Variants in MS4A4E observed in about 807,000 individuals in gnomAD.
MS4A4E encodes the protein putative membrane-spanning 4-domains subfamily A member 4E.
Under a neutral mutation model 13.3 loss-of-function variants are expected in MS4A4E, and 23 were observed. The ratio of observed to expected loss-of-function variants is 1.73; its 90% CI spans 1.25 to 2.45. The LOEUF (loss-of-function observed/expected upper bound fraction) is 2.45. MS4A4E is among the 30% of genes most tolerant of loss of function. The pLI, the probability that MS4A4E is intolerant of heterozygous loss-of-function variation, is 0.00. For missense variants in MS4A4E, 144 were observed against 131.2 expected (o/e 1.10, Z -0.48); for synonymous variants, 36 against 45.6 (o/e 0.79, Z 0.85).
chr11:60,239,587 G>T (rs554337368), intron 1 of MS4A4E, among the ~76,000 whole-genome samples: 1 of 152,260 alleles, frequency 6.6e-6, no homozygotes, highest in South Asian at 2.1e-4. Flanking sequence ...TTTGCAGTTT[G>T]TCTCAAAGAT....
intron 1 of MS4A4E, among the ~76,000 whole-genome samples, chr11:60,232,278 G>A (rs80223119): frequency 1.6e-5 from 1 of 61,614 alleles, no homozygotes; most frequent in African/African-American, 6.7e-5. Flanking sequence ...TAACCTCATC[G>A]CCATCAACAC....
intron 1 of MS4A4E, among the ~76,000 whole-genome samples, chr11:60,231,859 C>A (rs1276394564): frequency 6.6e-6 from 1 of 152,028 alleles, no homozygotes; most frequent in African/African-American, 2.4e-5. Flanking sequence ...TTGATACAAG[C>A]CTCCAAGAAG....
chr11:60,210,453 A>G (rs2084106209), intron 5 of MS4A4E, among the ~76,000 whole-genome samples: 3 of 152,166 alleles, frequency 2.0e-5, no homozygotes, highest in Non-Finnish European at 4.4e-5. Flanking sequence ...TATTAAAATT[A>G]CATATATATC....
At chr11:60,225,248 C>T (rs1259083274) in intron 3 of MS4A4E, among the ~76,000 whole-genome samples, 1 of 152,096 alleles carries the variant, frequency 6.6e-6, no homozygotes, top group Non-Finnish European at 1.5e-5. Context: ...CATAAAGAAC[C>T]ATGAATATTA....
intron 3 of MS4A4E, among the ~76,000 whole-genome samples, chr11:60,228,031 GT>G: frequency 6.6e-6 from 1 of 152,050 alleles, no homozygotes; most frequent in Non-Finnish European, 1.5e-5. Context: ...GATGACCTTG[GT>G]TTTGGTGATG....
chr11:60,217,581 G>A (rs1049856256), intron 3 of MS4A4E, among the ~76,000 whole-genome samples: 2 of 152,250 alleles, frequency 1.3e-5, no homozygotes, highest in Non-Finnish European at 2.9e-5. Context: ...CGGAGGGACC[G>A]GCTGAAGCCA....
At chr11:60,236,961 C>T (rs2084491512) in intron 1 of MS4A4E, among the ~76,000 whole-genome samples, 1 of 152,146 alleles carries the variant, frequency 6.6e-6, no homozygotes, top group Non-Finnish European at 1.5e-5. Flanking sequence ...GTCCTGAACT[C>T]CTGACCTCAG....
rs541950372 is a variant in MS4A4E, at chr11:60,235,380, A to G, written c.-16-5309T>C. On this transcript the variant is annotated intron_variant, in intron 1 of 8. Coordinates refer to ENST00000651255, the MANE Select transcript of MS4A4E (RefSeq NM_001393391.1). The stretch of plus-strand genomic sequence containing the variant: ...AGTGCTTGGATTATAGGTGTGAGCC[A>G]CAGTGACTGATCTTAAACCTCCAGA... 2.9e-4 allele frequency among the ~76,000 whole-genome samples: 44 copies of G among 152,342 alleles called. No homozygotes were observed. In the South Asian group the frequency reaches 6.2e-3, roughly 22 times the overall value.
At chr11:60,206,489 G>GTATATATATGTA (rs2084046492) in intron 6 of MS4A4E, among the ~76,000 whole-genome samples, 2 of 97,566 alleles carry the variant, frequency 2.0e-5, no homozygotes, top group Admixed American at 1.1e-4. Context: ...ATATATATAT[G>GTATATATATGTA]TATATATATA....
Position 60,241,691 on chromosome 11 carries a change from C to T in MS4A4E, c.-17+1267G>A, listed in dbSNP as rs111248123. ...AGATAAGGTCCCCAAGGAAAGAAAG[C>T]GTGTGTTTACAAGACTCCACTTCTC... On this transcript the variant is annotated intron_variant, in intron 1 of 8. Transcript: ENST00000651255. 6.8e-3 allele frequency among the ~76,000 whole-genome samples: 1,030 copies of T among 152,160 alleles called. 7 individuals carry two copies. Among genetic ancestry groups the T allele is most frequent in the African/African-American group, 0.023 (975 of 41,520 alleles).
intron 3 of MS4A4E, among the ~76,000 whole-genome samples, chr11:60,221,362 G>T (rs949806746): frequency 6.6e-6 from 1 of 152,186 alleles, no homozygotes; most frequent in Non-Finnish European, 1.5e-5. Flanking sequence ...ATGAGGAAGT[G>T]GCACAAATGC....
chr11:60,221,408 C>A (rs2084268691), intron 3 of MS4A4E, among the ~76,000 whole-genome samples: 1 of 152,104 alleles, frequency 6.6e-6, no homozygotes, highest in South Asian at 2.1e-4. Flanking sequence ...GCCTTCTCTC[C>A]CCCAGCCTGC....
intron 3 of MS4A4E, among the ~76,000 whole-genome samples, chr11:60,227,566 AT>A (rs1263254285): frequency 1.2e-4 from 19 of 152,028 alleles, no homozygotes; most frequent in Non-Finnish European, 2.1e-4. Context: ...ATATATATAT[AT>A]ATTAGCAAAT....
intron 8 of MS4A4E, among the ~76,000 whole-genome samples, chr11:60,204,575 C>T (rs943514221): frequency 7.9e-5 from 12 of 152,168 alleles, no homozygotes; most frequent in Admixed American, 4.6e-4. Context: ...GGGCTTGAAG[C>T]TGTGAAGAGG....
At position 60,213,352 on chromosome 11, in the gene MS4A4E, T is replaced by G. The variant is rs1049297791; in HGVS notation, c.223-220A>C. On this transcript the variant is annotated intron_variant, in intron 4 of 8. Coordinates refer to ENST00000651255, the MANE Select transcript of MS4A4E (RefSeq NM_001393391.1). ...TAATTCCTGTGAGAAGATGAGATAA[T>G]CTCCAAATCATTTATCAGGGTTTTC... 4 of 1,489,358 alleles carry G rather than the reference T, an allele frequency of 2.7e-6. No homozygotes were observed. The African/African-American group carries it at 5.5e-5, about 21-fold the overall frequency. 92.3% of individuals were successfully genotyped at this position (1,489,358 alleles called of 1,614,324 possible).
At chr11:60,240,536 T>A (rs535340328) in intron 1 of MS4A4E, among the ~76,000 whole-genome samples, 1 of 152,216 alleles carries the variant, frequency 6.6e-6, no homozygotes, top group Non-Finnish European at 1.5e-5. Flanking sequence ...ACCTTTAGTA[T>A]AAAGATAAAA....
Position 60,230,134 on chromosome 11 carries a change from T to A in MS4A4E, c.-16-63A>T, listed in dbSNP as rs996419321. The A allele has an allele frequency of 8.1e-6, 12 of 1,488,702 alleles. No homozygotes were observed. In the African/African-American group the frequency reaches 1.6e-4, roughly 20 times the overall value. The allele number at this position is 1,488,702 out of a possible 1,614,324, so 92.2% of individuals were successfully genotyped here. ...AATGACAAAAGAAAGTCTTGACACT[T>A]TGGGGCAGATTCCTCCCTAAGGACA... On this transcript the variant is annotated intron_variant, in intron 1 of 8. Coordinates refer to ENST00000651255, the MANE Select transcript of MS4A4E (RefSeq NM_001393391.1).
At chr11:60,217,176 G>C (rs1162424117) in intron 3 of MS4A4E, among the ~76,000 whole-genome samples, 2 of 152,294 alleles carry the variant, frequency 1.3e-5, no homozygotes, top group Admixed American at 1.3e-4. Flanking sequence ...AGATTGCCCT[G>C]AGTGAGAGTC....
intron 1 of MS4A4E, among the ~76,000 whole-genome samples, chr11:60,237,683 T>C (rs1057248565): frequency 3.3e-5 from 5 of 152,208 alleles, no homozygotes; most frequent in Non-Finnish European, 7.4e-5. Context: ...TGGTTTTCAC[T>C]TGTATTTCTC....
Sources: allele counts gnomAD v4.1 joint callset (sites outside exome capture counted in the v4.1 genomes callset), GRCh38; gene constraint gnomAD v4.1.1; transcripts MANE v1.5; gene names NCBI Gene and HGNC (gene_info 2026-07-23, HGNC 2026-07-21).